Variants in ARSF observed in about 807,000 individuals in gnomAD.
The protein encoded by ARSF is arylsulfatase F.
Under a neutral mutation model 35.4 loss-of-function variants are expected in ARSF, and 33 were observed. The ratio of observed to expected loss-of-function variants is 0.93; its 90% CI spans 0.71 to 1.25. The LOEUF (loss-of-function observed/expected upper bound fraction) is 1.25, where lower values mean the gene tolerates loss of function less well. Ranked by LOEUF, ARSF falls within the 50% of genes most tolerant of loss-of-function variation. The pLI is 0.00. For missense variants in ARSF, 501 were observed against 480.2 expected (o/e 1.04, Z -0.40); for synonymous variants, 222 against 193.1 (o/e 1.15, Z -1.24).
chrX:3,068,207 A>T (rs2090079885), intron 2 of ARSF, 96 bp downstream of exon 2: 1 of 827,375 alleles, frequency 1.2e-6, no homozygotes, highest in Non-Finnish European at 1.7e-6. Flanking sequence ...GGCATTTAAT[A>T]TCATCTGCCT....
chrX:3,107,361 C>G (rs1221077390), intron 9 of ARSF, among the ~76,000 whole-genome samples: 2 of 109,939 alleles, frequency 1.8e-5, no homozygotes, highest in African/African-American at 6.6e-5. Flanking sequence ...AAACATGTGA[C>G]CTCAGTCCAT....
chrX:3,079,192 TC>T (rs1282700640), intron 4 of ARSF, among the ~76,000 whole-genome samples: 1 of 111,605 alleles, frequency 9.0e-6, no homozygotes, highest in African/African-American at 3.3e-5. Flanking sequence ...TCAAGATGTT[TC>T]TATTGTTTAG....
intron 6 of ARSF, among the ~76,000 whole-genome samples, chrX:3,088,400 A>T (rs1446247881): frequency 2.7e-5 from 3 of 111,550 alleles, no homozygotes; most frequent in Non-Finnish European, 5.6e-5. Flanking sequence ...CTGTCCTGGC[A>T]TCTGAGAATC....
In ARSF at chrX:3,112,155, T is replaced by C. The variant is rs374052109; in HGVS notation, c.1391-19T>C. On this transcript the variant is annotated intron_variant, in intron 10 of 10. Transcript: ENST00000381127. The stretch of plus-strand genomic sequence containing the variant: ...GCTGAAGTGCGCATCATTTGACGAG[T>C]CTCTCTTTTCTCCTCCAGGTGGGTC... The C allele has an allele frequency of 1.7e-4, 202 of 1,168,379 alleles. No individual in the cohort carries two copies. Among genetic ancestry groups the C allele is most frequent in the Non-Finnish European group, 2.2e-4 (187 of 867,493 alleles).
At position 3,063,951 on chromosome X, in the gene ARSF, G is replaced by A. The variant is rs778728583; in HGVS notation, c.-28-4122G>A. Among the ~76,000 whole-genome samples, 185 of 111,544 alleles carry A rather than the reference G, an allele frequency of 1.7e-3. 1 individual carries two copies. The highest frequency in any genetic ancestry group is 5.5e-3 in the African/African-American group (168 of 30,731). On this transcript the variant is annotated intron_variant, in intron 1 of 10. Coordinates refer to ENST00000381127, the MANE Select transcript of ARSF (RefSeq NM_001201539.2). ...CTTTCTTCACAGAATTGGGAAAAAC[G>A]ACTTTAAAGTTCATATGGAACCAAA... is the stretch of plus-strand genomic sequence containing the variant.
intron 6 of ARSF, 51 bp downstream of exon 6, chrX:3,084,717 T>TTGGCAGCTTAGTTTGGGATGCATAGCCC: frequency 9.4e-7 from 1 of 1,061,364 alleles, no homozygotes; most frequent in Non-Finnish European, 1.3e-6. Context: ...ATCTCTTTTT[T>TTGGCAGCTTAGTTTGGGATGCATAGCCC]AAAAGGACCT....
intron 9 of ARSF, among the ~76,000 whole-genome samples, chrX:3,105,738 T>A (rs987046931): frequency 8.9e-6 from 1 of 112,020 alleles, no homozygotes; most frequent in East Asian, 2.8e-4. Context: ...GTGTTGGGAT[T>A]TACAGGTGTG....
intron 5 of ARSF, among the ~76,000 whole-genome samples, chrX:3,083,522 CTAT>C (rs1410145521): frequency 3.0e-4 from 19 of 63,131 alleles, no homozygotes; most frequent in African/African-American, 1.1e-3. Flanking sequence ...ATCTATCTAT[CTAT>C]CTATCCATCC....
intron 6 of ARSF, among the ~76,000 whole-genome samples, chrX:3,088,753 A>T (rs2090267009): frequency 9.0e-6 from 1 of 110,680 alleles, no homozygotes; most frequent in Non-Finnish European, 1.9e-5. Flanking sequence ...TAGAGATAAG[A>T]TTTCACCCTG....
intron 7 of ARSF, among the ~76,000 whole-genome samples, chrX:3,094,775 A>G (rs751515936): frequency 9.1e-6 from 1 of 109,938 alleles, no homozygotes; most frequent in African/African-American, 3.3e-5. Context: ...ACTGCAAAGG[A>G]GGCTGTAAAC....
intron 7 of ARSF, among the ~76,000 whole-genome samples, chrX:3,094,939 T>C (rs2090329240): frequency 9.1e-6 from 1 of 109,294 alleles, no homozygotes; most frequent in Non-Finnish European, 1.9e-5. Flanking sequence ...TATGAATATA[T>C]ATTATGTATT....
intron 1 of ARSF, among the ~76,000 whole-genome samples, chrX:3,048,615 C>G (rs1199472892): frequency 2.7e-5 from 3 of 112,343 alleles, no homozygotes; most frequent in Non-Finnish European, 1.9e-5. Context: ...ATGTCTTACA[C>G]ATATTGATTG....
At position 3,072,189 on chromosome X, in the gene ARSF, A is replaced by G. The variant is rs2090110110; in HGVS notation, c.161+14A>G. ...TGACACCATGAGGTAAGGCGGTTTC[A>G]TGGCCAGTCATACGTTCGTCAGTCG... On this transcript the variant is annotated intron_variant, in intron 3 of 10. Transcript: ENST00000381127. 7 of 1,205,555 alleles carry G rather than the reference A, an allele frequency of 5.8e-6. No individual in the cohort carries two copies. Among genetic ancestry groups the G allele is most frequent in the Non-Finnish European group, 7.9e-6 (7 of 890,672 alleles).
At chrX:3,052,288 A>T (rs1299474541) in intron 1 of ARSF, among the ~76,000 whole-genome samples, 1 of 112,054 alleles carries the variant, frequency 8.9e-6, no homozygotes, top group East Asian at 2.8e-4. Context: ...TCAGCAATGT[A>T]GTACTTTCAC....
rs915486270 is a variant in ARSF at position 3,041,610 on chromosome X, G to C, written c.-82G>C. The C allele has an allele frequency of 8.9e-6, 1 of 111,738 alleles. No individual in the cohort carries two copies. The highest frequency in any genetic ancestry group is 3.3e-5 in the African/African-American group (1 of 30,758). 9.2% of individuals were successfully genotyped at this position (111,738 alleles called of 1,213,427 possible). ...CTGGCCCTTCTGTTACTTTTCCACT[G>C]CTGTTGAGATAGAAGTCACTGTTGG... On this transcript the variant is annotated 5_prime_UTR_variant, in exon 1 of 11. Transcript: ENST00000381127.
In ARSF at chrX:3,098,150, A is replaced by C. The variant is rs190801429; in HGVS notation, c.968-2937A>C. On this transcript the variant is annotated intron_variant, in intron 7 of 10. Coordinates refer to ENST00000381127, the MANE Select transcript of ARSF (RefSeq NM_001201539.2). ...TTTTTTAAATTTATTTTTTTAATTG[A>C]GACAGGGTCTCACTGTGTTGACAAG... Among the ~76,000 whole-genome samples the C allele has an allele frequency of 7.6e-4, 82 of 108,271 alleles. 1 individual carries two copies. Among genetic ancestry groups the C allele is most frequent in the African/African-American group, 2.6e-3 (77 of 29,580 alleles). 94.0% of individuals were successfully genotyped at this position (108,271 alleles called of 115,157 possible).
chrX:3,084,084 G>A (rs892835176), intron 5 of ARSF, among the ~76,000 whole-genome samples, 159 bp from the exon 6 acceptor site: 1 of 112,147 alleles, frequency 8.9e-6, no homozygotes, highest in Admixed American at 9.5e-5. Flanking sequence ...ATGTGGCTAA[G>A]TGGCACTCGG....
At chrX:3,065,937 C>T (rs2090064065) in intron 1 of ARSF, among the ~76,000 whole-genome samples, 1 of 110,376 alleles carries the variant, frequency 9.1e-6, no homozygotes, top group Admixed American at 9.8e-5. Flanking sequence ...TGTAAAAATA[C>T]AAAAATTATC....
At chrX:3,055,140 C>T (rs1422228424) in intron 1 of ARSF, among the ~76,000 whole-genome samples, 3 of 106,305 alleles carry the variant, frequency 2.8e-5, no homozygotes, top group East Asian at 3.1e-4. Context: ...GTCAGGAGTT[C>T]GAGACCAGCC....
Sources: allele counts gnomAD v4.1 joint callset (sites outside exome capture counted in the v4.1 genomes callset), GRCh38; gene constraint gnomAD v4.1.1; transcripts MANE v1.5; gene names NCBI Gene and HGNC (gene_info 2026-07-23, HGNC 2026-07-21).